Variants in SEPTIN10 observed in about 807,000 individuals in gnomAD.
SEPTIN10 encodes septin-10.
In SEPTIN10, 66 loss-of-function variants were observed where a neutral mutation model predicts 54.8. The ratio of observed to expected loss-of-function variants is 1.21; its 90% confidence interval spans 0.99 to 1.48. SEPTIN10 has a LOEUF of 1.48. Ranked by LOEUF, SEPTIN10 falls within the 40% of genes most tolerant of loss-of-function variation. SEPTIN10 has a pLI of 0.00. For synonymous variants in SEPTIN10, 161 were observed against 181.0 expected (o/e 0.89, Z 0.89); for missense variants, 620 against 545.6 (o/e 1.14, Z -1.36).
chr2:109,610,916 T>TG (rs568589211), intron 1 of SEPTIN10, among the ~76,000 whole-genome samples: 112 of 152,184 alleles, frequency 7.4e-4, no homozygotes, highest in African/African-American at 2.6e-3. Flanking sequence ...GCTAAAAATC[T>TG]GGGGGAGAGA....
chr2:109,553,723 G>A lies in SEPTIN10; in HGVS notation c.1029-504C>T, dbSNP rs139608268. Among the ~76,000 whole-genome samples, 606 of 150,022 alleles carry A rather than the reference G, an allele frequency of 4.0e-3. 6 individuals are homozygous for A. Among genetic ancestry groups the A allele is most frequent in the African/African-American group, 0.014 (561 of 40,778 alleles). ...CAAAAAATTAGTCAGGCATGGTGGC[G>A]TGCGCCTGTAGTCCCAGCTACACGG... On this transcript the variant is annotated intron_variant, in intron 8 of 10. Coordinates refer to ENST00000397712, the MANE Select transcript of SEPTIN10 (RefSeq NM_144710.5).
At chr2:109,603,474 C>T (rs1697128410) in intron 1 of SEPTIN10, among the ~76,000 whole-genome samples, 1 of 152,064 alleles carries the variant, frequency 6.6e-6, no homozygotes, top group Non-Finnish European at 1.5e-5. Flanking sequence ...CTCCTGACCT[C>T]GTGATCCGCC....
chr2:109,555,496 G>C (rs965081596), intron 8 of SEPTIN10, among the ~76,000 whole-genome samples: 2 of 152,040 alleles, frequency 1.3e-5, no homozygotes, highest in African/African-American at 4.8e-5. Flanking sequence ...AAAGAATGAG[G>C]GTCATGATCA....
At chr2:109,562,379 C>A (rs993286563) in intron 8 of SEPTIN10, among the ~76,000 whole-genome samples, 4 of 152,004 alleles carry the variant, frequency 2.6e-5, no homozygotes, top group African/African-American at 9.7e-5. Flanking sequence ...TGCCCCCCTC[C>A]CCCAACTCTC....
At chr2:109,604,163 A>AC (rs1697333242) in intron 1 of SEPTIN10, among the ~76,000 whole-genome samples, 1 of 143,072 alleles carries the variant, frequency 7.0e-6, no homozygotes, top group Non-Finnish European at 1.5e-5. Context: ...CTCTGCCTCA[A>AC]AAAAAAAAAA....
intron 1 of SEPTIN10, among the ~76,000 whole-genome samples, chr2:109,600,211 CT>C: frequency 6.6e-6 from 1 of 152,172 alleles, no homozygotes; most frequent in Non-Finnish European, 1.5e-5. Flanking sequence ...CCCTTCTTTC[CT>C]TGCACGGCTA....
At chr2:109,566,065 T>C (rs1686943443) in intron 6 of SEPTIN10, among the ~76,000 whole-genome samples, 2 of 152,110 alleles carry the variant, frequency 1.3e-5, no homozygotes, top group Admixed American at 1.3e-4. Context: ...AAGAAAAGTA[T>C]TTACATGTAA....
chr2:109,590,375 C>G (rs952775056), intron 2 of SEPTIN10, among the ~76,000 whole-genome samples: 16 of 151,850 alleles, frequency 1.1e-4, no homozygotes, highest in African/African-American at 3.1e-4. Flanking sequence ...ACCAGTCAGT[C>G]TTCGGAAGGG....
At chr2:109,562,670 G>GC (rs1465426738) in intron 8 of SEPTIN10, among the ~76,000 whole-genome samples, 4 of 152,054 alleles carry the variant, frequency 2.6e-5, no homozygotes, top group African/African-American at 4.8e-5. Context: ...AGTTGTCCCT[G>GC]CCCGCTCTTA....
intron 1 of SEPTIN10, among the ~76,000 whole-genome samples, chr2:109,598,531 A>C (rs1695826818): frequency 6.6e-6 from 1 of 152,160 alleles, no homozygotes; most frequent in African/African-American, 2.4e-5. Flanking sequence ...AACAAAAAGC[A>C]AAAAGTGGCC....
chr2:109,543,879 C>G lies in SEPTIN10; in HGVS notation c.*430G>C. 1 of 386,842 alleles carries G rather than the reference C, an allele frequency of 2.6e-6. No individual in the cohort carries two copies. The highest frequency in any genetic ancestry group is 4.6e-6 in the Non-Finnish European group (1 of 215,398). 24.0% of individuals were successfully genotyped at this position (386,842 alleles called of 1,614,324 possible). A position where few individuals can be genotyped will look rare whatever the true frequency, so the allele number is the denominator to read the frequency against. ...CAGGTTTGGAATATCTGCATATACA[C>G]AACGGGACCCGACTCTAATTACATA... On this transcript the variant is annotated 3_prime_UTR_variant, in exon 11 of 11. Coordinates refer to ENST00000397712, the MANE Select transcript of SEPTIN10 (RefSeq NM_144710.5).
At chr2:109,601,092 G>A (rs963235384) in intron 1 of SEPTIN10, among the ~76,000 whole-genome samples, 3 of 152,104 alleles carry the variant, frequency 2.0e-5, no homozygotes, top group Non-Finnish European at 2.9e-5. Flanking sequence ...GGTTCTTAAG[G>A]AGCCTCCATT....
intron 4 of SEPTIN10, among the ~76,000 whole-genome samples, chr2:109,576,508 T>TA (rs1259662233): frequency 1.3e-5 from 2 of 152,114 alleles, no homozygotes; most frequent in Admixed American, 6.5e-5. Flanking sequence ...TAACAACAGT[T>TA]AAGTGATCCT....
rs1020232842 is a variant in SEPTIN10, at chr2:109,543,140, C to G, written c.*1169G>C. ...ACCAGTAAGGCACTGAATGCAAATACCACCTGAAATATGAATTATGTGCAT... is the reference window on the plus strand; with the variant it reads ...ACCAGTAAGGCACTGAATGCAAATAGCACCTGAAATATGAATTATGTGCAT... On this transcript the variant is annotated 3_prime_UTR_variant, in exon 11 of 11. Transcript: ENST00000397712. 1 of 152,492 alleles carries G rather than the reference C, an allele frequency of 6.6e-6. No individual in the cohort carries two copies. The highest frequency in any genetic ancestry group is 2.4e-5 in the African/African-American group (1 of 41,408). 9.4% of individuals were successfully genotyped at this position (152,492 alleles called of 1,614,324 possible).
intron 9 of SEPTIN10, among the ~76,000 whole-genome samples, chr2:109,550,514 A>G (rs945874763): frequency 2.6e-5 from 4 of 151,900 alleles, no homozygotes; most frequent in Non-Finnish European, 4.4e-5. Flanking sequence ...GGGTTTCACC[A>G]TATTGACCAG....
chr2:109,571,358 G>A (rs1688343558), intron 5 of SEPTIN10, among the ~76,000 whole-genome samples: 1 of 152,178 alleles, frequency 6.6e-6, no homozygotes, highest in Admixed American at 6.5e-5. Flanking sequence ...GAACATCACA[G>A]AGTATACTCA....
intron 9 of SEPTIN10, among the ~76,000 whole-genome samples, chr2:109,549,852 T>C (rs1682420672): frequency 6.6e-6 from 1 of 152,222 alleles, no homozygotes; most frequent in Non-Finnish European, 1.5e-5. Flanking sequence ...TGTGTGAATG[T>C]GGTCTCTTTC....
chr2:109,608,652 A>G (rs1314829109), intron 1 of SEPTIN10, among the ~76,000 whole-genome samples: 2 of 152,224 alleles, frequency 1.3e-5, no homozygotes, highest in East Asian at 3.8e-4. Context: ...AAGCTATTAA[A>G]TCATATTTGT....
Position 109,612,050 on chromosome 2 carries a change from T to C in SEPTIN10, c.30+1748A>G, listed in dbSNP as rs553127087. On this transcript the variant is annotated intron_variant, in intron 1 of 10. Transcript: ENST00000397712. The stretch of plus-strand genomic sequence containing the variant: ...CTGTACATGAATGTTTATAGCAGCT[T>C]TATTGCCAATAGCCAACAACTGAAA... Among the ~76,000 whole-genome samples the C allele has an allele frequency of 1.4e-4, 21 of 152,306 alleles. 1 individual carries two copies. The highest frequency in any genetic ancestry group is 1.2e-3 in the Admixed American group (19 of 15,302).
Sources: gnomAD v4.1 joint callset for allele counts (sites outside exome capture counted in the v4.1 genomes callset) on GRCh38, gnomAD v4.1.1 for gene constraint, MANE v1.5 for transcripts, NCBI Gene and HGNC (gene_info 2026-07-23, HGNC 2026-07-21) for gene names.